Variants in LSAMP observed in about 807,000 individuals in gnomAD.
The protein encoded by LSAMP is limbic system-associated membrane protein.
In LSAMP, 7 loss-of-function variants were observed where a neutral mutation model predicts 38.6. That is an observed-to-expected ratio of 0.18 (90% CI 0.10 to 0.34). The LOEUF (loss-of-function observed/expected upper bound fraction) is 0.34. Among genes scored for constraint, LSAMP ranks in the 10% least tolerant of loss-of-function variants. The pLI is 1.00. For synonymous variants in LSAMP, 154 were observed against 166.8 expected, an observed-to-expected ratio of 0.92 and a Z score of 0.59; for missense variants, 313 against 420.0, an observed-to-expected ratio of 0.75 and a Z score of 2.23.
At chr3:115,855,570 C>A (rs1413151907) in intron 3 of LSAMP, among the ~76,000 whole-genome samples, 2 of 152,186 alleles carry the variant, frequency 1.3e-5, no homozygotes, top group Non-Finnish European at 2.9e-5. Context: ...ATGTGCATAG[C>A]TATCTCAATA....
At chr3:115,877,218 A>T (rs1936203849) in intron 3 of LSAMP, among the ~76,000 whole-genome samples, 2 of 152,072 alleles carry the variant, frequency 1.3e-5, no homozygotes, top group African/African-American at 4.8e-5. Context: ...TTTGCCATCA[A>T]GAGAAAAGCT....
chr3:116,286,021 G>A (rs2047190452), intron 1 of LSAMP, among the ~76,000 whole-genome samples: 1 of 152,200 alleles, frequency 6.6e-6, no homozygotes, highest in African/African-American at 2.4e-5. Flanking sequence ...GCCAGTCTAG[G>A]TCTGAGACAA....
At chr3:116,313,231 G>A (rs1164806551) in intron 1 of LSAMP, among the ~76,000 whole-genome samples, 2 of 152,052 alleles carry the variant, frequency 1.3e-5, no homozygotes, top group East Asian at 1.9e-4. Flanking sequence ...TGCAACACTC[G>A]GCAGTACTCT....
chr3:116,402,145 G>T (rs1321264093), intron 1 of LSAMP, among the ~76,000 whole-genome samples: 1 of 152,178 alleles, frequency 6.6e-6, no homozygotes, highest in Non-Finnish European at 1.5e-5. Flanking sequence ...AGCTGATATT[G>T]TGCTATTTTA....
chr3:115,852,450 C>A, intron 4 of LSAMP, 33 bp downstream of exon 4: 1 of 1,581,182 alleles, frequency 6.3e-7, no homozygotes, highest in Non-Finnish European at 8.6e-7. Flanking sequence ...GCACCCTGGG[C>A]ACCTAGCACC....
At chr3:115,886,190 C>T (rs879413256) in intron 3 of LSAMP, among the ~76,000 whole-genome samples, 8 of 151,920 alleles carry the variant, frequency 5.3e-5, no homozygotes, top group Non-Finnish European at 8.8e-5. Flanking sequence ...AATGCAAATG[C>T]TAATGTCTTC....
At chr3:115,967,488 T>C (rs1938856744) in intron 3 of LSAMP, among the ~76,000 whole-genome samples, 2 of 152,204 alleles carry the variant, frequency 1.3e-5, no homozygotes, top group Non-Finnish European at 2.9e-5. Context: ...TTCCAACCTC[T>C]GCCTGTTACC....
At chr3:116,251,801 A>G (rs2046688065) in intron 1 of LSAMP, among the ~76,000 whole-genome samples, 1 of 152,230 alleles carries the variant, frequency 6.6e-6, no homozygotes, top group Non-Finnish European at 1.5e-5. Flanking sequence ...ACAAGCCAAA[A>G]TTCAGTTATG....
At chr3:115,876,212 C>G (rs1244057826) in intron 3 of LSAMP, among the ~76,000 whole-genome samples, 3 of 149,834 alleles carry the variant, frequency 2.0e-5, no homozygotes, top group Non-Finnish European at 4.4e-5. Flanking sequence ...TCAGTAATGC[C>G]TGCAGTTCCT....
chr3:116,094,599 G>A (rs1708185998), intron 1 of LSAMP, among the ~76,000 whole-genome samples: 1 of 152,160 alleles, frequency 6.6e-6, no homozygotes, highest in South Asian at 2.1e-4. Context: ...GGATGTTCAG[G>A]GCAGGGTAAG....
rs1301436258 is a variant in LSAMP, at chr3:115,809,046, G to A, written c.*1271C>T. The A allele has an allele frequency of 1.3e-5, 2 of 152,196 alleles. No individual in the cohort carries two copies. Among genetic ancestry groups the A allele is most frequent in the East Asian group, 1.9e-4 (1 of 5,194 alleles). The allele number at this position is 152,196 out of a possible 1,614,324, so 9.4% of individuals were successfully genotyped here. ...CTTTCACTGGGAGTTGACACTTGGA[G>A]ACCTTCCTGTTTCTGGGGATTTACT... On this transcript the variant is annotated 3_prime_UTR_variant, in exon 7 of 7. Coordinates refer to ENST00000490035, the MANE Select transcript of LSAMP (RefSeq NM_002338.5).
chr3:115,823,632 T>G (rs1270597683), intron 6 of LSAMP, among the ~76,000 whole-genome samples: 2 of 152,162 alleles, frequency 1.3e-5, no homozygotes, highest in African/African-American at 2.4e-5. Context: ...AACAAATCAA[T>G]GCATTTTTTT....
chr3:115,827,917 CA>C (rs538197904), intron 6 of LSAMP, among the ~76,000 whole-genome samples: 3 of 152,178 alleles, frequency 2.0e-5, no homozygotes, highest in Non-Finnish European at 4.4e-5. Flanking sequence ...ATTTTTTCCC[CA>C]TCAAGGTGCT....
At chr3:115,826,006 T>C (rs1259183700) in intron 6 of LSAMP, among the ~76,000 whole-genome samples, 3 of 152,216 alleles carry the variant, frequency 2.0e-5, no homozygotes, top group African/African-American at 7.2e-5. Context: ...TATTAGGCTT[T>C]ATAGTGGATC....
At chr3:116,027,588 A>G (rs1434427326) in intron 2 of LSAMP, among the ~76,000 whole-genome samples, 1 of 152,218 alleles carries the variant, frequency 6.6e-6, no homozygotes, top group African/African-American at 2.4e-5. Flanking sequence ...GACTTTCCAC[A>G]GAGGTAAACT....
intron 1 of LSAMP, among the ~76,000 whole-genome samples, chr3:116,206,370 A>G (rs1358082020): frequency 6.6e-6 from 1 of 150,960 alleles, no homozygotes; most frequent in Non-Finnish European, 1.5e-5. Context: ...GGATTCATTA[A>G]TTTTTTGAAG....
At chr3:116,221,765 G>A (rs1206214389) in intron 1 of LSAMP, among the ~76,000 whole-genome samples, 1 of 151,810 alleles carries the variant, frequency 6.6e-6, no homozygotes, top group African/African-American at 2.4e-5. Flanking sequence ...GGAGAGATGC[G>A]AAGGAACACT....
intron 3 of LSAMP, among the ~76,000 whole-genome samples, chr3:115,896,524 C>A (rs2107471182): frequency 6.6e-6 from 1 of 152,134 alleles, no homozygotes; most frequent in Non-Finnish European, 1.5e-5. Flanking sequence ...GCAGGTGATT[C>A]TGGATCCAAG....
chr3:116,021,687 A>C (rs1475327247), intron 2 of LSAMP, among the ~76,000 whole-genome samples: 7 of 152,170 alleles, frequency 4.6e-5, no homozygotes, highest in Non-Finnish European at 8.8e-5. Context: ...GTTCTGATAA[A>C]AAAGGCTCTA....
Sources: allele counts gnomAD v4.1 joint callset (sites outside exome capture counted in the v4.1 genomes callset), GRCh38; gene constraint gnomAD v4.1.1; transcripts MANE v1.5; gene names NCBI Gene and HGNC (gene_info 2026-07-23, HGNC 2026-07-21).